Variants in MCU observed in about 807,000 individuals in gnomAD.
The protein encoded by MCU is calcium uniporter protein, mitochondrial.
A neutral mutation model predicts 45.2 loss-of-function variants in MCU; 12 were observed. The ratio of observed to expected loss-of-function variants is 0.27; its 90% CI spans 0.17 to 0.43. The LOEUF (loss-of-function observed/expected upper bound fraction) is 0.43. Ranked by LOEUF, MCU falls within the 20% of genes least tolerant of loss-of-function variation. MCU has a pLI of 1.00. For synonymous variants in MCU, 160 were observed against 165.1 expected (o/e 0.97, Z 0.24); for missense variants, 324 against 436.7 (o/e 0.74, Z 2.30).
chr10:72,861,478 G>T (rs540775226), intron 4 of MCU, among the ~76,000 whole-genome samples: 6 of 151,762 alleles, frequency 4.0e-5, no homozygotes, highest in Admixed American at 1.3e-4. Flanking sequence ...CCAGGCTGGA[G>T]CCCAGTGACA....
chr10:72,735,116 AT>A (rs11443574), intron 1 of MCU, among the ~76,000 whole-genome samples: 60 of 146,636 alleles, frequency 4.1e-4, no homozygotes, highest in African/African-American at 1.2e-3. Flanking sequence ...ATGTATCAGA[AT>A]TTTTTTTTTT....
intron 1 of MCU, among the ~76,000 whole-genome samples, chr10:72,716,874 TAAAG>T (rs1300256587): frequency 1.3e-5 from 2 of 152,128 alleles, no homozygotes; most frequent in Non-Finnish European, 1.5e-5. Flanking sequence ...CCCTGTTTCT[TAAAG>T]AAAGAAAGGA....
chr10:72,709,206 G>T (rs2132658335), intron 1 of MCU, among the ~76,000 whole-genome samples: 1 of 152,258 alleles, frequency 6.6e-6, no homozygotes, highest in Non-Finnish European at 1.5e-5. Context: ...AACTAGTCTT[G>T]TGTATTTCCA....
In MCU at chr10:72,772,051, T is replaced by A. The variant is rs140854632; in HGVS notation, c.151-62308T>A. Among the ~76,000 whole-genome samples, 735 of 152,330 alleles carry A rather than the reference T, an allele frequency of 4.8e-3. 4 individuals are homozygous for A. Among genetic ancestry groups the A allele is most frequent in the African/African-American group, 0.016 (682 of 41,572 alleles). ...CTTGGGTTCCCTGTCGGGAGACTTG[T>A]CCTTGCCTTAACCTGTGGGAAGCAC... On this transcript the variant is annotated intron_variant, in intron 1 of 7. Transcript: ENST00000373053.
chr10:72,780,621 C>A (rs762241434), intron 1 of MCU, among the ~76,000 whole-genome samples: 1 of 149,826 alleles, frequency 6.7e-6, no homozygotes, highest in African/African-American at 2.5e-5. Flanking sequence ...TTGCCATAAT[C>A]TCTTACCATA....
intron 1 of MCU, among the ~76,000 whole-genome samples, chr10:72,742,562 G>A (rs1325966225): frequency 6.6e-6 from 1 of 152,122 alleles, no homozygotes; most frequent in Non-Finnish European, 1.5e-5. Context: ...TTCTTTGGAT[G>A]CTTGCATATT....
chr10:72,829,441 TACTTA>T lies in MCU; in HGVS notation c.151-4913_151-4909del, dbSNP rs778218698. On this transcript the variant is annotated intron_variant, in intron 1 of 7. Coordinates refer to ENST00000373053, the MANE Select transcript of MCU (RefSeq NM_138357.3). ...TGCCAAGATTTAACTTAATTAACTT[TACTTA>T]ACTTTAATCTTGGTATCTGCCTATG... is the stretch of plus-strand genomic sequence containing the variant. Among the ~76,000 whole-genome samples, 19 of 152,192 alleles carry T rather than the reference TACTTA, an allele frequency of 1.2e-4. No homozygotes were observed. The East Asian group carries it at 1.7e-3, about 14-fold the overall frequency.
intron 1 of MCU, among the ~76,000 whole-genome samples, chr10:72,796,769 C>T (rs1404897464): frequency 2.0e-5 from 3 of 151,520 alleles, no homozygotes; most frequent in Admixed American, 2.0e-4. Context: ...CTCAAGTGAC[C>T]TTCCTGCCTC....
chr10:72,796,671 G>T (rs946731592), intron 1 of MCU, among the ~76,000 whole-genome samples: 13 of 150,054 alleles, frequency 8.7e-5, no homozygotes, highest in African/African-American at 2.7e-4. Context: ...GTACCACCAC[G>T]CCTGGCTACT....
At chr10:72,859,426 A>T in intron 3 of MCU, 79 bp downstream of exon 3, 1 of 1,315,738 alleles carries the variant, frequency 7.6e-7, no homozygotes, top group Non-Finnish European at 1.0e-6. Context: ...CATACACCAC[A>T]CACGTAGCTA....
At chr10:72,713,569 C>T (rs1418061902) in intron 1 of MCU, among the ~76,000 whole-genome samples, 1 of 152,168 alleles carries the variant, frequency 6.6e-6, no homozygotes, top group Non-Finnish European at 1.5e-5. Flanking sequence ...ACAAATTATA[C>T]TTCTGTAGTA....
At chr10:72,816,273 C>T (rs1844624944) in intron 1 of MCU, among the ~76,000 whole-genome samples, 1 of 152,052 alleles carries the variant, frequency 6.6e-6, no homozygotes, top group South Asian at 2.1e-4. Context: ...TTTTTTTCTT[C>T]AGCTATTTCA....
At chr10:72,800,326 T>A (rs1844319666) in intron 1 of MCU, among the ~76,000 whole-genome samples, 1 of 152,236 alleles carries the variant, frequency 6.6e-6, no homozygotes, top group East Asian at 1.9e-4. Context: ...AAGTTATCTT[T>A]AGCCTATGTG....
chr10:72,725,327 C>T (rs553133079), intron 1 of MCU, among the ~76,000 whole-genome samples: 60 of 152,106 alleles, frequency 3.9e-4, no homozygotes, highest in African/African-American at 1.1e-3. Context: ...GGGGTTTCAC[C>T]GCGTTAGCCA....
chr10:72,877,707 AG>A (rs1490477239), intron 6 of MCU, among the ~76,000 whole-genome samples: 1 of 152,188 alleles, frequency 6.6e-6, no homozygotes, highest in African/African-American at 2.4e-5. Context: ...AGATGAGACT[AG>A]TATTTAGGTG....
chr10:72,737,528 T>A (rs941520383), intron 1 of MCU, among the ~76,000 whole-genome samples: 1 of 151,806 alleles, frequency 6.6e-6, no homozygotes, highest in Non-Finnish European at 1.5e-5. Flanking sequence ...TTCCTTTTTT[T>A]TTTTTTTCAG....
At chr10:72,885,621 T>C (rs1845763808) in intron 7 of MCU, 124 bp from the exon 8 acceptor site, 1 of 658,004 alleles carries the variant, frequency 1.5e-6, no homozygotes, top group Non-Finnish European at 2.7e-6. Context: ...CACTCTTATT[T>C]TGAGAGTTAT....
At chr10:72,848,207 G>A (rs912920549) in intron 2 of MCU, among the ~76,000 whole-genome samples, 1 of 152,126 alleles carries the variant, frequency 6.6e-6, no homozygotes, top group African/African-American at 2.4e-5. Context: ...TTATGCAGAG[G>A]TAATCTCATC....
intron 1 of MCU, among the ~76,000 whole-genome samples, chr10:72,765,417 GT>G (rs1408690155): frequency 7.2e-5 from 11 of 151,952 alleles, no homozygotes; most frequent in Non-Finnish European, 1.3e-4. Context: ...CCTAGGTCAT[GT>G]TTTATATTTC....
Sources: gnomAD v4.1 joint callset for allele counts (sites outside exome capture counted in the v4.1 genomes callset) on GRCh38, gnomAD v4.1.1 for gene constraint, MANE v1.5 for transcripts, NCBI Gene and HGNC (gene_info 2026-07-23, HGNC 2026-07-21) for gene names.